The following FAM149B1 variants were observed in gnomAD, a reference collection of about 807,000 sequenced individuals.
The protein encoded by FAM149B1 is primary cilium assembly protein FAM149B1.
A neutral mutation model predicts 75.3 loss-of-function variants in FAM149B1; 56 were observed. The ratio of observed to expected loss-of-function variants is 0.74; its 90% confidence interval spans 0.60 to 0.93. The LOEUF is 0.93. Ranked by LOEUF, FAM149B1 falls within the 40% of genes least tolerant of loss-of-function variation. The pLI, the probability that FAM149B1 is intolerant of heterozygous loss-of-function variation, is 0.00. For missense variants in FAM149B1, 639 were observed against 708.4 expected (o/e 0.90, Z 1.11); for synonymous variants, 259 against 256.1 (o/e 1.01, Z -0.11).
chr10:73,210,737 C>G (rs551316473), intron 7 of FAM149B1, among the ~76,000 whole-genome samples: 50 of 152,110 alleles, frequency 3.3e-4, no homozygotes, highest in African/African-American at 1.2e-3. Context: ...GTGGGAGCAT[C>G]ACTTGAGCCC....
intron 5 of FAM149B1, chr10:73,199,907 A>G (rs529505389): frequency 2.4e-4 from 43 of 178,172 alleles, no homozygotes; most frequent in Non-Finnish European, 3.7e-5. Context: ...CATCGAGAGC[A>G]ACTGGAAGGA....
At position 73,243,455 on chromosome 10, in the gene FAM149B1, C is replaced by G; in HGVS notation, c.*2436C>G. ...TTTCCCTCCTCCTTTGGAAGATTTG[C>G]AGTACTTTGCTTCCATCTGAGCCAG... On this transcript the variant is annotated 3_prime_UTR_variant, in exon 14 of 14. Transcript: ENST00000242505. 6.2e-7 allele frequency: 1 copy of G among 1,613,934 alleles called. No individual in the cohort carries two copies. The highest frequency in any genetic ancestry group is 8.5e-7 in the Non-Finnish European group (1 of 1,179,868).
intron 7 of FAM149B1, among the ~76,000 whole-genome samples, chr10:73,223,737 T>G (rs553993972): frequency 6.6e-6 from 1 of 151,720 alleles, no homozygotes; most frequent in South Asian, 2.1e-4. Context: ...GTGTTAGGTT[T>G]TTTTTTTTTT....
intron 5 of FAM149B1, among the ~76,000 whole-genome samples, chr10:73,195,632 A>T (rs1473402296): frequency 6.6e-6 from 1 of 152,210 alleles, no homozygotes; most frequent in East Asian, 1.9e-4. Context: ...ATCAAGTCTG[A>T]GCAGTTAGTT....
At chr10:73,199,197 T>TTTGTTGTTG (rs3998310) in intron 5 of FAM149B1, among the ~76,000 whole-genome samples, 2,934 of 146,542 alleles carry the variant, frequency 0.02, 35 homozygotes, top group East Asian at 0.034. Flanking sequence ...GTTATCCTTT[T>TTTGTTGTTG]TTGTTGTTGT....
intron 7 of FAM149B1, among the ~76,000 whole-genome samples, chr10:73,224,435 T>C (rs939161709): frequency 1.7e-4 from 26 of 151,740 alleles, no homozygotes; most frequent in Admixed American, 1.1e-3. Context: ...AATGGAATAC[T>C]ATACCACTAT....
chr10:73,181,252 G>T (rs1439277935), intron 3 of FAM149B1, among the ~76,000 whole-genome samples: 2 of 151,872 alleles, frequency 1.3e-5, no homozygotes, highest in African/African-American at 4.8e-5. Context: ...CTCATGATCC[G>T]CCTGCCTTGG....
chr10:73,206,973 AG>A (rs1419844483), intron 5 of FAM149B1, among the ~76,000 whole-genome samples: 1 of 152,248 alleles, frequency 6.6e-6, no homozygotes, highest in African/African-American at 2.4e-5. Context: ...AAGCCTTGGC[AG>A]CTTCCATGTG....
In FAM149B1 at chr10:73,168,141, A is replaced by C. The variant is rs1192508657; in HGVS notation, c.-199A>C. The C allele has an allele frequency of 1.7e-6, 1 of 581,312 alleles. No individual in the cohort carries two copies. The highest frequency in any genetic ancestry group is 3.0e-6 in the Non-Finnish European group (1 of 333,036). The allele number at this position is 581,312 out of a possible 1,614,324, so 36.0% of individuals were successfully genotyped here. ...GTCACTTCCGCCCCCGCGGCAAAGC[A>C]GGGAGGTCGGAGGACTGGAGAGGTG... is the stretch of plus-strand genomic sequence containing the variant. On this transcript the variant is annotated 5_prime_UTR_variant, in exon 1 of 14. Coordinates refer to ENST00000242505, the MANE Select transcript of FAM149B1 (RefSeq NM_173348.2).
intron 5 of FAM149B1, among the ~76,000 whole-genome samples, chr10:73,203,130 G>C (rs1035802338): frequency 6.6e-6 from 1 of 152,106 alleles, no homozygotes; most frequent in African/African-American, 2.4e-5. Flanking sequence ...TTTCTTCATG[G>C]TTCAAGATAG....
chr10:73,212,360 A>G (rs2043204436), intron 7 of FAM149B1, among the ~76,000 whole-genome samples: 2 of 151,950 alleles, frequency 1.3e-5, no homozygotes, highest in Non-Finnish European at 2.9e-5. Context: ...GGCCCACTGC[A>G]ACCTCTGCCG....
chr10:73,191,460 T>C (rs113716124), intron 3 of FAM149B1, among the ~76,000 whole-genome samples: 23,931 of 151,658 alleles, frequency 0.16, 3,142 homozygotes, highest in African/African-American at 0.34. Context: ...CCTCAGCCTC[T>C]CAAGTAACTG....
chr10:73,221,000 T>C (rs926916569), intron 7 of FAM149B1, among the ~76,000 whole-genome samples: 4 of 152,212 alleles, frequency 2.6e-5, no homozygotes, highest in Non-Finnish European at 5.9e-5. Context: ...CTTGAAAATA[T>C]GCTAAATGAA....
At chr10:73,230,630 C>T in intron 9 of FAM149B1, 105 bp downstream of exon 9, 1 of 655,988 alleles carries the variant, frequency 1.5e-6, no homozygotes, top group South Asian at 1.7e-5. Context: ...CAAGCAACCA[C>T]AAAAACTCCT....
intron 5 of FAM149B1, among the ~76,000 whole-genome samples, chr10:73,199,527 ATTCTTTTTATTTGGTTGTTTGTT>A (rs1197711438): frequency 6.6e-6 from 1 of 151,718 alleles, no homozygotes; most frequent in African/African-American, 2.4e-5. Flanking sequence ...AATAACTGTT[ATTCTTTTTATTTGGTTGTTTGTT>A]TTAGGAGACA....
At chr10:73,186,574 A>T (rs2042526140) in intron 3 of FAM149B1, among the ~76,000 whole-genome samples, 3 of 152,200 alleles carry the variant, frequency 2.0e-5, no homozygotes, top group Non-Finnish European at 2.9e-5. Context: ...AAATCCAGAA[A>T]ATTTACATTC....
At chr10:73,187,171 G>A (rs1444489021) in intron 3 of FAM149B1, among the ~76,000 whole-genome samples, 2 of 151,944 alleles carry the variant, frequency 1.3e-5, no homozygotes, top group African/African-American at 4.8e-5. Context: ...TTGTACATTG[G>A]AAATTTCAAA....
intron 9 of FAM149B1, among the ~76,000 whole-genome samples, 178 bp from the exon 10 acceptor site, chr10:73,232,761 T>G (rs908216456): frequency 3.3e-5 from 5 of 152,260 alleles, no homozygotes; most frequent in African/African-American, 1.2e-4. Context: ...TAAGAACAGA[T>G]TCTCATGCCT....
intron 2 of FAM149B1, among the ~76,000 whole-genome samples, chr10:73,175,068 A>C (rs757871576): frequency 6.6e-6 from 1 of 152,176 alleles, no homozygotes; most frequent in Non-Finnish European, 1.5e-5. Context: ...ACACACAAAC[A>C]AACAAAAAAA....
Sources: allele counts gnomAD v4.1 joint callset (sites outside exome capture counted in the v4.1 genomes callset), GRCh38; gene constraint gnomAD v4.1.1; transcripts MANE v1.5; gene names NCBI Gene and HGNC (gene_info 2026-07-23, HGNC 2026-07-21).